Variants in ADGRG5 observed in about 807,000 individuals in gnomAD.
ADGRG5 encodes adhesion G protein-coupled receptor G5, also known as G protein-coupled receptor 114.
A neutral mutation model predicts 53.2 loss-of-function variants in ADGRG5; 37 were observed. That is an observed-to-expected ratio of 0.70 (90% CI 0.53 to 0.91). The LOEUF (loss-of-function observed/expected upper bound fraction) is 0.91. ADGRG5 is among the 40% of genes least tolerant of loss of function. The probability of loss-of-function intolerance (pLI) is 0.00; values close to 1 mark genes in which losing one functional copy is unlikely to be tolerated. For missense variants in ADGRG5, 614 were observed against 675.8 expected (o/e 0.91, Z 1.01); for synonymous variants, 277 against 290.4 (o/e 0.95, Z 0.47).
At chr16:57,531,392 GCAT>G in the ADGRG5 span, among the ~76,000 whole-genome samples, 1 of 151,942 alleles carries the variant, frequency 6.6e-6, no homozygotes, top group Non-Finnish European at 1.5e-5. Context: ...TATCTGCTGT[GCAT>G]CCGCCTTCCA....
chr16:57,570,591 G>A, intron 10 of ADGRG5, 56 bp downstream of exon 10: 2 of 1,234,338 alleles, frequency 1.6e-6, no homozygotes, highest in East Asian at 2.3e-5. Context: ...GGGCCACATG[G>A]GCCTGGGGCT....
chr16:57,569,197 T>A (rs2033254096), intron 9 of ADGRG5, among the ~76,000 whole-genome samples: 1 of 144,108 alleles, frequency 6.9e-6, no homozygotes, highest in African/African-American at 2.6e-5. Context: ...CTCCTCCACC[T>A]CCACCACCTC....
At chr16:57,553,496 A>G (rs1409356124) in intron 1 of ADGRG5, among the ~76,000 whole-genome samples, 2 of 152,252 alleles carry the variant, frequency 1.3e-5, no homozygotes, top group African/African-American at 2.4e-5. Context: ...AAATCAATAT[A>G]TGAACAAATT....
At chr16:57,569,586 C>T (rs951741025) in intron 9 of ADGRG5, among the ~76,000 whole-genome samples, 6 of 151,622 alleles carry the variant, frequency 4.0e-5, no homozygotes, top group Non-Finnish European at 7.4e-5. Context: ...TCATCACCAT[C>T]GCCTCCTCCA....
chr16:57,529,212 G>A, the ADGRG5 span: 2 of 1,158,502 alleles, frequency 1.7e-6, no homozygotes, highest in Non-Finnish European at 2.1e-6. This position sits in a 1 kb window ranked among gnomAD's most constrained non-coding sequence, Gnocchi z 4.1. Context: ...TCGAACTCGC[G>A]GTCGGGCTCA....
chr16:57,529,805 A>G, the ADGRG5 span, among the ~76,000 whole-genome samples: 1 of 152,084 alleles, frequency 6.6e-6, no homozygotes, highest in Non-Finnish European at 1.5e-5. This position sits in a 1 kb window ranked among gnomAD's most constrained non-coding sequence, Gnocchi z 4.1. Context: ...TCACTGCACT[A>G]ACTTACCCTG....
intron 1 of ADGRG5, among the ~76,000 whole-genome samples, chr16:57,545,660 G>A (rs2032598927): frequency 1.3e-5 from 2 of 152,210 alleles, no homozygotes; most frequent in African/African-American, 4.8e-5. Context: ...GTCAATAAGA[G>A]CAGAGCTTCC....
At chr16:57,551,859 T>C (rs185865364) in intron 1 of ADGRG5, among the ~76,000 whole-genome samples, 2 of 152,326 alleles carry the variant, frequency 1.3e-5, no homozygotes, top group Admixed American at 1.3e-4. Context: ...ATGAAATTTG[T>C]TTCCTAAATA....
intron 1 of ADGRG5, among the ~76,000 whole-genome samples, chr16:57,551,141 G>C (rs2032740708): frequency 6.6e-6 from 1 of 152,174 alleles, no homozygotes; most frequent in African/African-American, 2.4e-5. Flanking sequence ...TTGCTAAAAA[G>C]TACTAGCAAT....
the ADGRG5 span, among the ~76,000 whole-genome samples, chr16:57,532,787 G>A: frequency 6.6e-6 from 1 of 152,072 alleles, no homozygotes; most frequent in African/African-American, 2.4e-5. Flanking sequence ...ACATAGAGAA[G>A]CTCTTGGAAA....
intron 10 of ADGRG5, among the ~76,000 whole-genome samples, chr16:57,573,160 G>A (rs2033407852): frequency 6.6e-6 from 1 of 152,156 alleles, no homozygotes; most frequent in African/African-American, 2.4e-5. Flanking sequence ...GCCTGGGCAT[G>A]GTGGCTCGTG....
rs144135077 is a variant in ADGRG5, at chr16:57,554,512, G to T, written c.-38-7544G>T. Among the ~76,000 whole-genome samples, 1,387 of 152,112 alleles carry T rather than the reference G, an allele frequency of 9.1e-3. 5 individuals carry two copies. Among genetic ancestry groups the T allele is most frequent in the Non-Finnish European group, 0.014 (968 of 67,994 alleles). On this transcript the variant is annotated intron_variant, in intron 1 of 11. Coordinates refer to ENST00000349457, the MANE Select transcript of ADGRG5 (RefSeq NM_001304376.3). ...CTGCTTCAGCCTCCCGAATAGCTGG[G>T]ACTACAGGCACCTGCCACCATGCCC...
intron 1 of ADGRG5, among the ~76,000 whole-genome samples, chr16:57,555,212 G>C (rs2146776174): frequency 6.6e-6 from 1 of 152,230 alleles, no homozygotes; most frequent in South Asian, 2.1e-4. Flanking sequence ...CTTCTGATAT[G>C]GTTTGGCTGC....
At position 57,576,146 on chromosome 16, in the gene ADGRG5, C is replaced by A. The variant is rs2033511134; in HGVS notation, c.*608C>A. 1 of 152,948 alleles carries A rather than the reference C, an allele frequency of 6.5e-6. No homozygotes were observed. Among genetic ancestry groups the A allele is most frequent in the Admixed American group, 6.5e-5 (1 of 15,408 alleles). 9.5% of individuals were successfully genotyped at this position (152,948 alleles called of 1,614,324 possible). On this transcript the variant is annotated 3_prime_UTR_variant, in exon 12 of 12. Coordinates refer to ENST00000349457, the MANE Select transcript of ADGRG5 (RefSeq NM_001304376.3). ...CTGGCTTGGGGCGGGTGGGACCTACCCAGGCTCTGAGACTTTACTGGCCTA... is the reference window on the plus strand; with the variant it reads ...CTGGCTTGGGGCGGGTGGGACCTACACAGGCTCTGAGACTTTACTGGCCTA...
intron 1 of ADGRG5, among the ~76,000 whole-genome samples, chr16:57,557,696 T>G (rs2032913597): frequency 1.3e-5 from 2 of 152,222 alleles, no homozygotes; most frequent in African/African-American, 4.8e-5. Flanking sequence ...TTTGGATAAT[T>G]TATATTACAC....
Position 57,574,690 on chromosome 16 carries a change from T to TGTTC in ADGRG5, c.1209-124_1209-121dup. The TGTTC allele has an allele frequency of 9.5e-7, 1 of 1,050,016 alleles. No homozygotes were observed. The highest frequency in any genetic ancestry group is 1.3e-6 in the Non-Finnish European group (1 of 748,620). 65.0% of individuals were successfully genotyped at this position (1,050,016 alleles called of 1,614,324 possible). A position where few individuals can be genotyped will look rare whatever the true frequency, so the allele number is the denominator to read the frequency against. On this transcript the variant is annotated intron_variant, in intron 10 of 11. Coordinates refer to ENST00000349457, the MANE Select transcript of ADGRG5 (RefSeq NM_001304376.3). This position sits in a 1 kb window ranked among gnomAD's most constrained non-coding sequence, Gnocchi z 4.4. ...AAGCCGGGTGAGGGGTTTCACTGTG[T>TGTTC]GTTCAGTCAGGCAAGAAACAATAGG... is the stretch of plus-strand genomic sequence containing the variant.
chr16:57,575,768 A>C lies in ADGRG5; in HGVS notation c.*230A>C, dbSNP rs2033501155. The C allele has an allele frequency of 2.1e-5, 11 of 517,490 alleles. 1 individual carries two copies. In the South Asian group the frequency reaches 2.3e-4, roughly 11 times the overall value. The allele number at this position is 517,490 out of a possible 1,614,324, so 32.1% of individuals were successfully genotyped here. A position where few individuals can be genotyped will look rare whatever the true frequency, so the allele number is the denominator to read the frequency against. On this transcript the variant is annotated 3_prime_UTR_variant, in exon 12 of 12. Transcript: ENST00000349457. ...GATCCAACCTTACCTGGGGCAGCAA[A>C]CTTTGTCCTGGTACCTGGGCCCAGC... is the stretch of plus-strand genomic sequence containing the variant.
At position 57,574,931 on chromosome 16, in the gene ADGRG5, G is replaced by A. The variant is rs780881181; in HGVS notation, c.1325G>A (p.Arg442Gln). ...GCGCTGTGGACCCTGCGCAGGCTGC[G>A]GGAGCGGGCGGATGCACCAAGTGTC... The part of the protein sequence containing the change: ...AWALWTLRRL[R>Q]ERADAPSVRA... Residue 442 changes from arginine (R) to glutamine (Q), a missense_variant, in exon 11 of 12, where the codon CGG (arginine) becomes CAG (glutamine). Arg to Gln is a conservative substitution (Grantham distance 43). Transcript: ENST00000349457. The surrounding 1 kb of genome is among the most constrained non-coding windows in gnomAD (Gnocchi z 4.4). The A allele has an allele frequency of 4.3e-6, 7 of 1,613,192 alleles. No homozygotes were observed. The highest frequency in any genetic ancestry group is 2.7e-5 in the African/African-American group (2 of 74,936).
rs529437968 is a variant in ADGRG5 at position 57,566,835 on chromosome 16, G to A, written c.699+84G>A. On this transcript the variant is annotated intron_variant, in intron 7 of 11. Transcript: ENST00000349457. ...GGAGCAAGGCAAAAGCTGGTGCAAG[G>A]GACAGAAAGTCCAACTGAAATGGGC... The A allele has an allele frequency of 6.9e-5, 85 of 1,234,488 alleles. No homozygotes were observed. In the African/African-American group the frequency reaches 1.3e-3, roughly 18 times the overall value. The allele number at this position is 1,234,488 out of a possible 1,614,324, so 76.5% of individuals were successfully genotyped here.
Sources: allele counts gnomAD v4.1 joint callset (sites outside exome capture counted in the v4.1 genomes callset), GRCh38; gene constraint gnomAD v4.1.1; non-coding constraint Gnocchi (gnomAD v3.1); transcripts MANE v1.5; gene names NCBI Gene and HGNC (gene_info 2026-07-23, HGNC 2026-07-21).